SYN3: variants seen among roughly 807,000 people sequenced by gnomAD.
SYN3 encodes synapsin III, also known as synapsin-3.
SYN3 carries 35 observed loss-of-function variants against 65.8 expected under a neutral mutation model. The observed-to-expected ratio is 0.53, with a 90% CI of 0.41 to 0.70. The LOEUF (loss-of-function observed/expected upper bound fraction) is 0.70. SYN3 is among the 30% of genes least tolerant of loss of function. SYN3 has a pLI of 0.00. For missense variants in SYN3, 680 were observed against 749.0 expected (o/e 0.91, Z 1.08); for synonymous variants, 270 against 292.9 (o/e 0.92, Z 0.80).
intron 12 of SYN3, among the ~76,000 whole-genome samples, chr22:32,521,654 G>C (rs1443914603): frequency 2.6e-5 from 4 of 151,820 alleles, no homozygotes; most frequent in Non-Finnish European, 5.9e-5. Context: ...CCCCATATTG[G>C]CCAGGCTGGT....
intron 12 of SYN3, 30 bp from the exon 13 acceptor site, chr22:32,518,364 T>A: frequency 6.2e-7 from 1 of 1,610,022 alleles, no homozygotes; most frequent in Non-Finnish European, 8.5e-7. Flanking sequence ...AAGGTTCAGT[T>A]CAATTTTTTT....
chr22:32,886,288 G>A (rs944417174), intron 4 of SYN3, among the ~76,000 whole-genome samples: 2 of 152,148 alleles, frequency 1.3e-5, no homozygotes, highest in African/African-American at 2.4e-5. Context: ...TCACTTCTGC[G>A]AGGTCGTGAG....
At chr22:32,701,077 A>G (rs2060804517) in intron 6 of SYN3, among the ~76,000 whole-genome samples, 1 of 152,244 alleles carries the variant, frequency 6.6e-6, no homozygotes, top group South Asian at 2.1e-4. Flanking sequence ...GCAAGTCAAC[A>G]TGATCACTTT....
Position 32,509,525 on chromosome 22 carries a change from GGTTCCTAT to G in SYN3, c.*4159_*4166del, listed in dbSNP as rs1206244239. On this transcript the variant is annotated 3_prime_UTR_variant, in exon 14 of 14. Transcript: ENST00000358763. ...GTCGCCATGAGACCTATGTGTCCTT[GGTTCCTAT>G]GTTCATACACAGACCAATGGGGAAA... Among the ~76,000 whole-genome samples the G allele has an allele frequency of 6.6e-6, 1 of 151,814 alleles. No homozygotes were observed.
chr22:32,908,756 T>C (rs1485715864), intron 4 of SYN3, among the ~76,000 whole-genome samples: 1 of 152,208 alleles, frequency 6.6e-6, no homozygotes, highest in South Asian at 2.1e-4. Context: ...ATTAGGACCC[T>C]GACCTCTAGG....
chr22:33,049,646 C>T lies in SYN3; in HGVS notation c.-163+8646G>A, dbSNP rs1330819326. On this transcript the variant is annotated intron_variant, in intron 1 of 13. Transcript: ENST00000358763. ...ATTAAATTCAATATTTTGGGAGCTA[C>T]GCTCTGGAAGCATGCCTCTTAGTCG... 3.3e-5 allele frequency among the ~76,000 whole-genome samples: 5 copies of T among 152,156 alleles called. No individual in the cohort carries two copies. In the East Asian group the frequency reaches 9.6e-4, roughly 29 times the overall value.
At chr22:32,645,197 A>G (rs1183134414) in intron 6 of SYN3, among the ~76,000 whole-genome samples, 1 of 152,216 alleles carries the variant, frequency 6.6e-6, no homozygotes, top group Non-Finnish European at 1.5e-5. Flanking sequence ...CCAGACAATA[A>G]TTAAATGAGA....
intron 4 of SYN3, among the ~76,000 whole-genome samples, chr22:32,879,562 G>C (rs1319410418): frequency 1.3e-5 from 2 of 152,138 alleles, no homozygotes; most frequent in East Asian, 1.9e-4. Flanking sequence ...TTACTTATAA[G>C]GGCATTAATC....
At position 32,538,118 on chromosome 22, in the gene SYN3, A is replaced by G. The variant is rs747263376; in HGVS notation, c.918-8T>C. 6.2e-7 allele frequency: 1 copy of G among 1,613,814 alleles called. No homozygotes were observed. The highest frequency in any genetic ancestry group is 1.3e-5 in the African/African-American group (1 of 74,924). The stretch of plus-strand genomic sequence containing the variant: ...CCAGAGATGGAGGTTCTCCTGTACC[A>G]GAACAAACAACACATTGAGGGAATT... On this transcript the variant is annotated splice_region_variant and splice_polypyrimidine_tract_variant and intron_variant, in intron 8 of 13. Coordinates refer to ENST00000358763, the MANE Select transcript of SYN3 (RefSeq NM_003490.4).
chr22:32,977,062 A>C (rs941794769), intron 3 of SYN3, among the ~76,000 whole-genome samples: 1 of 152,140 alleles, frequency 6.6e-6, no homozygotes, highest in South Asian at 2.1e-4. Flanking sequence ...TTCTGATTCC[A>C]AGATGGATTT....
intron 6 of SYN3, among the ~76,000 whole-genome samples, chr22:32,825,910 C>A (rs2047395737): frequency 2.0e-5 from 3 of 151,960 alleles, no homozygotes; most frequent in Admixed American, 1.3e-4. Flanking sequence ...TGAAATAAAC[C>A]AGATCACCAA....
At chr22:32,783,171 A>G (rs1264137704) in intron 6 of SYN3, 1 of 152,236 alleles carries the variant, frequency 6.6e-6, no homozygotes, top group Non-Finnish European at 1.5e-5. Context: ...TCCTCTCTTG[A>G]TGCAGGTTTA....
chr22:32,544,839 C>G (rs1226570632), intron 7 of SYN3, among the ~76,000 whole-genome samples: 2 of 152,226 alleles, frequency 1.3e-5, no homozygotes, highest in African/African-American at 4.8e-5. Context: ...ACCAGAATTT[C>G]TTTGGCACCT....
chr22:32,589,558 T>C (rs1250642511), intron 7 of SYN3, among the ~76,000 whole-genome samples: 1 of 152,150 alleles, frequency 6.6e-6, no homozygotes, highest in East Asian at 1.9e-4. Flanking sequence ...GTTTCCTAAC[T>C]CTCTCATCTT....
At chr22:32,906,597 A>C (rs137536) in intron 4 of SYN3, among the ~76,000 whole-genome samples, 1 of 152,074 alleles carries the variant, frequency 6.6e-6, no homozygotes, top group African/African-American at 2.4e-5. Context: ...CTATCAACCC[A>C]TCACCTAGGT....
At chr22:32,977,545 A>C (rs529743672) in intron 3 of SYN3, among the ~76,000 whole-genome samples, 7 of 152,152 alleles carry the variant, frequency 4.6e-5, no homozygotes, top group African/African-American at 1.7e-4. Context: ...AGAGATCGAG[A>C]CCATCCTGGA....
intron 2 of SYN3, among the ~76,000 whole-genome samples, chr22:33,005,480 A>G (rs1404535479): frequency 1.3e-5 from 2 of 152,230 alleles, no homozygotes; most frequent in Non-Finnish European, 2.9e-5. Context: ...CATAAGCAGG[A>G]GCCTGTTCCC....
At chr22:32,885,636 C>T (rs552521514) in intron 4 of SYN3, among the ~76,000 whole-genome samples, 1 of 152,170 alleles carries the variant, frequency 6.6e-6, no homozygotes, top group South Asian at 2.1e-4. Context: ...TCTCAGCTCA[C>T]CACAATCTCC....
chr22:32,996,548 C>T (rs1880406977), intron 2 of SYN3, among the ~76,000 whole-genome samples: 9 of 152,108 alleles, frequency 5.9e-5, no homozygotes, highest in Admixed American at 5.2e-4. Flanking sequence ...CACGCTACCA[C>T]CTGTCAGCCT....
Sources: gnomAD v4.1 joint callset for allele counts (sites outside exome capture counted in the v4.1 genomes callset) on GRCh38, gnomAD v4.1.1 for gene constraint, MANE v1.5 for transcripts, NCBI Gene and HGNC (gene_info 2026-07-23, HGNC 2026-07-21) for gene names.